The following CDC14A variants were observed in gnomAD, a reference collection of about 807,000 sequenced individuals.
CDC14A encodes the protein dual specificity protein phosphatase CDC14A.
CDC14A carries 53 observed loss-of-function variants against 74.4 expected under a neutral mutation model. The ratio of observed to expected loss-of-function variants is 0.71; its 90% confidence interval spans 0.57 to 0.89. The LOEUF is 0.89. Among genes scored for constraint, CDC14A ranks in the 40% least tolerant of loss-of-function variants. CDC14A has a pLI of 0.00. For synonymous variants in CDC14A, 247 were observed against 258.4 expected, an observed-to-expected ratio of 0.96 and a Z score of 0.43; for missense variants, 646 against 713.7, an observed-to-expected ratio of 0.91 and a Z score of 1.08.
At chr1:100,502,575 A>T (rs538820214) in intron 15 of CDC14A, among the ~76,000 whole-genome samples, 1 of 152,380 alleles carries the variant, frequency 6.6e-6, no homozygotes, top group African/African-American at 2.4e-5. Flanking sequence ...TTTGTCATTA[A>T]GTGATGCATG....
upstream of CDC14A, chr1:100,351,679 G>C (rs909338683): frequency 6.2e-6 from 9 of 1,452,354 alleles, no homozygotes; most frequent in African/African-American, 2.8e-5. Flanking sequence ...TCCGGGACCG[G>C]AGCACTGTAA....
intron 5 of CDC14A, among the ~76,000 whole-genome samples, chr1:100,428,632 T>C (rs1276442747): frequency 6.6e-6 from 1 of 152,218 alleles, no homozygotes; most frequent in Non-Finnish European, 1.5e-5. Flanking sequence ...AGGAGACCAG[T>C]GACCCTTAGT....
chr1:100,354,622 T>C (rs1651627428), intron 2 of CDC14A, among the ~76,000 whole-genome samples: 2 of 152,260 alleles, frequency 1.3e-5, no homozygotes, highest in South Asian at 4.1e-4. Flanking sequence ...TAAATCTTTA[T>C]TCAGTAAAAG....
intron 6 of CDC14A, among the ~76,000 whole-genome samples, chr1:100,441,365 A>G (rs577179138): frequency 6.6e-6 from 1 of 152,226 alleles, no homozygotes; most frequent in Non-Finnish European, 1.5e-5. Context: ...ATTCTCTTAC[A>G]TAAGGCACCA....
At chr1:100,486,299 C>T (rs189573462) in intron 11 of CDC14A, among the ~76,000 whole-genome samples, 7 of 152,232 alleles carry the variant, frequency 4.6e-5, no homozygotes, top group African/African-American at 1.7e-4. Context: ...CTCTTTTAAT[C>T]CCCAATTTGT....
intron 4 of CDC14A, among the ~76,000 whole-genome samples, chr1:100,406,407 T>G (rs9727118): frequency 0.29 from 44,746 of 152,094 alleles, 9,340 homozygotes; most frequent in African/African-American, 0.59. Flanking sequence ...GTCAATTTTT[T>G]CTTTTGTTGC....
At chr1:100,434,795 T>C (rs1664128533) in intron 5 of CDC14A, among the ~76,000 whole-genome samples, 1 of 152,096 alleles carries the variant, frequency 6.6e-6, no homozygotes, top group African/African-American at 2.4e-5. Context: ...GTTTGAGGCA[T>C]CTTTAAGACA....
chr1:100,443,027 T>C, intron 7 of CDC14A, 31 bp downstream of exon 7: 1 of 1,382,798 alleles, frequency 7.2e-7, no homozygotes, highest in Non-Finnish European at 1.0e-6. Context: ...TTACAAAACA[T>C]AATTTCATGT....
chr1:100,365,916 T>C (rs1653522314), intron 2 of CDC14A, among the ~76,000 whole-genome samples: 1 of 149,702 alleles, frequency 6.7e-6, no homozygotes, highest in African/African-American at 2.5e-5. Context: ...CCCAGAGGCA[T>C]TGCTGATCAA....
intron 4 of CDC14A, among the ~76,000 whole-genome samples, chr1:100,392,387 T>C (rs1431289250): frequency 1.3e-5 from 2 of 152,202 alleles, no homozygotes. Flanking sequence ...GTAAGCGTGT[T>C]ATTTGTGGAT....
chr1:100,428,252 TG>T (rs1156500162), intron 5 of CDC14A, among the ~76,000 whole-genome samples: 1 of 152,208 alleles, frequency 6.6e-6, no homozygotes, highest in Non-Finnish European at 1.5e-5. Context: ...CAGTGAGTGT[TG>T]TGATGTCACT....
At chr1:100,443,298 A>C (rs769733405) in intron 7 of CDC14A, among the ~76,000 whole-genome samples, 1 of 152,106 alleles carries the variant, frequency 6.6e-6, no homozygotes, top group Non-Finnish European at 1.5e-5. Context: ...TTATTTTAGA[A>C]ATCAGGTTTT....
chr1:100,367,078 G>A (rs1653738122), intron 2 of CDC14A, among the ~76,000 whole-genome samples: 1 of 152,140 alleles, frequency 6.6e-6, no homozygotes, highest in African/African-American at 2.4e-5. Flanking sequence ...ATGCCAGAGT[G>A]GAGAAGACTC....
At chr1:100,516,306 CT>C (rs747825600) in intron 15 of CDC14A, among the ~76,000 whole-genome samples, 56 of 152,118 alleles carry the variant, frequency 3.7e-4, no homozygotes, top group Non-Finnish European at 6.5e-4. Flanking sequence ...ATATTTGCCC[CT>C]CTATATTGAT....
At chr1:100,413,283 G>C (rs1205360284) in intron 4 of CDC14A, among the ~76,000 whole-genome samples, 1 of 152,104 alleles carries the variant, frequency 6.6e-6, no homozygotes, top group Non-Finnish European at 1.5e-5. Context: ...TTGTTTGTGT[G>C]CATTGTTAGT....
chr1:100,491,699 G>A (rs543263279), intron 11 of CDC14A, among the ~76,000 whole-genome samples: 2 of 146,634 alleles, frequency 1.4e-5, no homozygotes, highest in East Asian at 4.1e-4. Context: ...AGTCTGCCAA[G>A]TAGCTGGGAT....
intron 4 of CDC14A, among the ~76,000 whole-genome samples, chr1:100,402,058 C>A (rs1334802988): frequency 6.6e-6 from 1 of 150,756 alleles, no homozygotes; most frequent in Non-Finnish European, 1.5e-5. Flanking sequence ...AGAAGTAATT[C>A]ATATGCTTGA....
chr1:100,385,897 G>A (rs1034267436), intron 3 of CDC14A, among the ~76,000 whole-genome samples: 8 of 152,258 alleles, frequency 5.3e-5, no homozygotes, highest in African/African-American at 1.7e-4. Context: ...AGTTCAGAAG[G>A]GTATTTGCTT....
intron 2 of CDC14A, 44 bp downstream of exon 2, chr1:100,353,896 G>T (rs746631325): frequency 7.1e-6 from 8 of 1,119,590 alleles, no homozygotes; most frequent in Non-Finnish European, 1.1e-5. Context: ...CATTCAGCTT[G>T]TTCTTTGACG....
Sources: allele counts gnomAD v4.1 joint callset (sites outside exome capture counted in the v4.1 genomes callset), GRCh38; gene constraint gnomAD v4.1.1; transcripts MANE v1.5; gene names NCBI Gene and HGNC (gene_info 2026-07-23, HGNC 2026-07-21).